The following CIB4 variants were observed in gnomAD, a reference collection of about 807,000 sequenced individuals.
CIB4 encodes calcium and integrin-binding family member 4.
In CIB4, 25 loss-of-function variants were observed where a neutral mutation model predicts 25.8. The observed-to-expected ratio is 0.97, with a 90% confidence interval of 0.71 to 1.35. CIB4 has a LOEUF of 1.35. Ranked by LOEUF, CIB4 falls within the 40% of genes most tolerant of loss-of-function variation. The pLI, the probability that CIB4 is intolerant of heterozygous loss-of-function variation, is 0.00. For synonymous variants in CIB4, 75 were observed against 81.4 expected (o/e 0.92, Z 0.42); for missense variants, 235 against 228.2 (o/e 1.03, Z -0.19).
chr2:26,632,752 C>T (rs1456224034), intron 2 of CIB4, among the ~76,000 whole-genome samples: 1 of 122,396 alleles, frequency 8.2e-6, no homozygotes, highest in Non-Finnish European at 1.7e-5. Flanking sequence ...AGTGAGACTC[C>T]ATCTCAAAAA....
At chr2:26,585,169 A>G (rs1668427220) in intron 4 of CIB4, among the ~76,000 whole-genome samples, 1 of 152,132 alleles carries the variant, frequency 6.6e-6, no homozygotes, top group Non-Finnish European at 1.5e-5. Flanking sequence ...TTGGAAGAGC[A>G]TGACCTGGAG....
intron 3 of CIB4, among the ~76,000 whole-genome samples, chr2:26,609,015 C>T (rs760685986): frequency 1.3e-5 from 2 of 152,130 alleles, no homozygotes; most frequent in African/African-American, 2.4e-5. Context: ...TATTGACAAC[C>T]GCAGCCCTTT....
At chr2:26,598,815 G>A (rs370679717) in intron 3 of CIB4, among the ~76,000 whole-genome samples, 20 of 152,230 alleles carry the variant, frequency 1.3e-4, no homozygotes, top group Non-Finnish European at 2.5e-4. Context: ...ATAGTGCTGC[G>A]GGAGAGTTTC....
rs532238026 is a variant in CIB4 at position 26,603,342 on chromosome 2, G to C, written c.187-8025C>G. ...GTGCAAGCCGAGCAAAGTTTGTATT[G>C]CATTAATACAATGCAAGCACTAATT... On this transcript the variant is annotated intron_variant, in intron 3 of 6. Coordinates refer to ENST00000288861, the MANE Select transcript of CIB4 (RefSeq NM_001029881.3). 6.6e-5 allele frequency among the ~76,000 whole-genome samples: 10 copies of C among 152,208 alleles called. No homozygotes were observed. In the South Asian group the frequency reaches 2.1e-3, roughly 32 times the overall value.
At chr2:26,635,531 G>A (rs190513503) in intron 2 of CIB4, among the ~76,000 whole-genome samples, 135 of 152,184 alleles carry the variant, frequency 8.9e-4, no homozygotes, top group Non-Finnish European at 1.7e-3. Context: ...AAAATCACAA[G>A]GCATTGTCAG....
intron 4 of CIB4, among the ~76,000 whole-genome samples, chr2:26,585,075 C>T (rs950687984): frequency 6.6e-6 from 1 of 152,172 alleles, no homozygotes; most frequent in Non-Finnish European, 1.5e-5. Flanking sequence ...AGTCAGGGTC[C>T]ACCTGACCCT....
rs1451131889 is a variant in CIB4 at position 26,627,526 on chromosome 2, C to A, written c.186+1884G>T. Reference sequence around the variant, plus strand: ...TGTCTGGCTGGCCCTGACCCCGGGTCCCTTAGTGGATGGCCTGGGTTTGAG... The same window carrying A: ...TGTCTGGCTGGCCCTGACCCCGGGTACCTTAGTGGATGGCCTGGGTTTGAG... On this transcript the variant is annotated intron_variant, in intron 3 of 6. Coordinates refer to ENST00000288861, the MANE Select transcript of CIB4 (RefSeq NM_001029881.3). The surrounding 1 kb of genome is among the most constrained non-coding windows in gnomAD (Gnocchi z 4.0). Among the ~76,000 whole-genome samples, 1 of 152,116 alleles carries A rather than the reference C, an allele frequency of 6.6e-6. No individual in the cohort carries two copies. The highest frequency in any genetic ancestry group is 2.4e-5 in the African/African-American group (1 of 41,410).
intron 3 of CIB4, among the ~76,000 whole-genome samples, chr2:26,606,859 G>A (rs1263279486): frequency 6.6e-6 from 1 of 152,200 alleles, no homozygotes; most frequent in African/African-American, 2.4e-5. Flanking sequence ...TGACAGATGG[G>A]CTGGCAGGGT....
chr2:26,623,470 T>G (rs1669242440), intron 3 of CIB4: 1 of 469,708 alleles, frequency 2.1e-6, no homozygotes, highest in South Asian at 1.6e-5. Context: ...GCTTTCAGCC[T>G]TGGGAGTGAG....
At chr2:26,596,223 T>A (rs1668680307) in intron 3 of CIB4, among the ~76,000 whole-genome samples, 1 of 152,062 alleles carries the variant, frequency 6.6e-6, no homozygotes, top group African/African-American at 2.4e-5. Flanking sequence ...ATGAATGTCT[T>A]TAATAAAAAC....
chr2:26,591,965 G>A (rs774482475), intron 4 of CIB4, among the ~76,000 whole-genome samples: 7 of 152,222 alleles, frequency 4.6e-5, no homozygotes, highest in African/African-American at 4.8e-5. Context: ...AAGGCACCCC[G>A]GCCAGAACCT....
intron 3 of CIB4, among the ~76,000 whole-genome samples, chr2:26,608,054 A>G (rs925681959): frequency 2.6e-5 from 4 of 152,230 alleles, no homozygotes; most frequent in African/African-American, 7.2e-5. Flanking sequence ...CCTGGCCAAC[A>G]TGTTGAAACC....
In CIB4 at chr2:26,589,098, CTT is replaced by C. The variant is rs1491176017; in HGVS notation, c.329-5202_329-5201del. Among the ~76,000 whole-genome samples, 187 of 118,772 alleles carry C rather than the reference CTT, an allele frequency of 1.6e-3. 16 individuals carry two copies. The highest frequency in any genetic ancestry group is 4.6e-3 in the African/African-American group (117 of 25,172). The allele number at this position is 118,772 out of a possible 152,430, so 77.9% of individuals were successfully genotyped here. On this transcript the variant is annotated intron_variant, in intron 4 of 6. Coordinates refer to ENST00000288861, the MANE Select transcript of CIB4 (RefSeq NM_001029881.3). ...TCTTCTTCTTCTTCTTCTTCTTCTT[CTT>C]CTTCTTCCTCTTCTTCTTCTTCTTC...
chr2:26,629,614 G>A, intron 2 of CIB4, 108 bp from the exon 3 acceptor site: 1 of 716,488 alleles, frequency 1.4e-6, no homozygotes. Context: ...GGGTGGGGGT[G>A]TCTCTTTGAG....
intron 2 of CIB4, among the ~76,000 whole-genome samples, chr2:26,639,158 T>C (rs902035112): frequency 2.0e-5 from 3 of 152,076 alleles, no homozygotes; most frequent in Non-Finnish European, 2.9e-5. Flanking sequence ...GGAGACATTT[T>C]CTTTTCACTT....
intron 2 of CIB4, among the ~76,000 whole-genome samples, chr2:26,636,621 T>C (rs1669537433): frequency 6.6e-6 from 1 of 152,208 alleles, no homozygotes; most frequent in African/African-American, 2.4e-5. Context: ...GGTCTTCTTT[T>C]TTCTTGGTTT....
At chr2:26,588,978 TTTCTTCTTCTTCTTC>T (rs879474454) in intron 4 of CIB4, among the ~76,000 whole-genome samples, 66 of 69,918 alleles carry the variant, frequency 9.4e-4, no homozygotes, top group African/African-American at 3.3e-3. Context: ...CCGCTTCTTC[TTTCTTCTTCTTCTTC>T]TTCTTCTTCT....
At chr2:26,606,909 C>T (rs761152887) in intron 3 of CIB4, among the ~76,000 whole-genome samples, 1 of 152,002 alleles carries the variant, frequency 6.6e-6, no homozygotes, top group African/African-American at 2.4e-5. Flanking sequence ...GGAGGCGGAT[C>T]GCTAATGGAA....
intron 4 of CIB4, among the ~76,000 whole-genome samples, chr2:26,593,965 C>G (rs191637234): frequency 1.1e-4 from 16 of 152,312 alleles, no homozygotes; most frequent in African/African-American, 2.9e-4. Context: ...GCCCCAAACT[C>G]TCTGGCTTTT....
Sources: gnomAD v4.1 joint callset for allele counts (sites outside exome capture counted in the v4.1 genomes callset) on GRCh38, gnomAD v4.1.1 for gene constraint, Gnocchi (gnomAD v3.1) non-coding constraint, MANE v1.5 for transcripts, NCBI Gene and HGNC (gene_info 2026-07-23, HGNC 2026-07-21) for gene names.